The following SMAD2 variants were observed in gnomAD, a reference collection of about 807,000 sequenced individuals.
SMAD2 encodes SMAD family member 2, also known as MAD homolog 2.
SMAD2 carries 8 observed loss-of-function variants against 64.4 expected under a neutral mutation model. The ratio of observed to expected loss-of-function variants is 0.12; its 90% CI spans 0.07 to 0.22. SMAD2 has a LOEUF of 0.22. Among genes scored for constraint, SMAD2 ranks in the 10% least tolerant of loss-of-function variants. The probability of loss-of-function intolerance (pLI) is 1.00; values close to 1 mark genes in which losing one functional copy is unlikely to be tolerated. For synonymous variants in SMAD2, 203 were observed against 195.8 expected (o/e 1.04, Z -0.31); for missense variants, 289 against 561.2 (o/e 0.51, Z 4.90).
chr18:47,917,644 A>G lies in SMAD2; in HGVS notation c.-54+12717T>C, dbSNP rs545311781. Among the ~76,000 whole-genome samples the G allele has an allele frequency of 6.6e-5, 10 of 151,582 alleles. No individual in the cohort carries two copies. The South Asian group carries it at 2.1e-3, about 31-fold the overall frequency. ...TTATTCTATTTCAATTCTTTTGGAG[A>G]GTTATTGGTAAAAAAATTTTTAATG... On this transcript the variant is annotated intron_variant, in intron 1 of 10. Transcript: ENST00000262160.
chr18:47,849,637 T>C lies in SMAD2; in HGVS notation c.785-950A>G, dbSNP rs577241213. Among the ~76,000 whole-genome samples, 12 of 152,278 alleles carry C rather than the reference T, an allele frequency of 7.9e-5. No homozygotes were observed. The South Asian group carries it at 2.3e-3, about 29-fold the overall frequency. On this transcript the variant is annotated intron_variant, in intron 7 of 10. Coordinates refer to ENST00000262160, the MANE Select transcript of SMAD2 (RefSeq NM_005901.6). ...CATGTAACTTAAATTCACGTCATCC[T>C]GTATACTTTAAATAATCTCTAGATT... is the stretch of plus-strand genomic sequence containing the variant.
chr18:47,834,568 C>T lies in SMAD2; in HGVS notation c.*7259G>A. On this transcript the variant is annotated 3_prime_UTR_variant, in exon 11 of 11. Transcript: ENST00000262160. ...GGGCATAACCTTTAAGGGCATCAGT[C>T]CCCAAAATATTTTTACATCACTAGC... 4.9e-6 allele frequency: 1 copy of T among 206,150 alleles called. No homozygotes were observed. Among genetic ancestry groups the T allele is most frequent in the Non-Finnish European group, 9.9e-6 (1 of 100,830 alleles). The allele number at this position is 206,150 out of a possible 1,614,324, so 12.8% of individuals were successfully genotyped here.
At chr18:47,845,051 TCTC>T (rs1914359995) in intron 10 of SMAD2, 1 of 578,930 alleles carries the variant, frequency 1.7e-6, no homozygotes, top group Non-Finnish European at 3.0e-6. Context: ...TGCAAACATC[TCTC>T]CTTCCATAAA....
chr18:47,830,757 T>A lies in SMAD2; in HGVS notation c.*11070A>T, dbSNP rs1266250719. 1 of 154,600 alleles carries A rather than the reference T, an allele frequency of 6.5e-6. No individual in the cohort carries two copies. The highest frequency in any genetic ancestry group is 2.4e-5 in the African/African-American group (1 of 41,488). The allele number at this position is 154,600 out of a possible 1,614,324, so 9.6% of individuals were successfully genotyped here. A position where few individuals can be genotyped will look rare whatever the true frequency, so the allele number is the denominator to read the frequency against. On this transcript the variant is annotated 3_prime_UTR_variant, in exon 11 of 11. Coordinates refer to ENST00000262160, the MANE Select transcript of SMAD2 (RefSeq NM_005901.6). ...TCTCATGAAGAAAAACTTTACAAGA[T>A]TTAAAATCAGAGCAAATGAATTTCT...
intron 2 of SMAD2, among the ~76,000 whole-genome samples, chr18:47,886,581 CT>C (rs1568084028): frequency 0.017 from 2,426 of 146,916 alleles, 58 homozygotes; most frequent in African/African-American, 0.057. Context: ...ATCTATCTAT[CT>C]ATCTATCTAT....
In SMAD2 at chr18:47,828,554, T is replaced by G. The variant is rs1184541221; in HGVS notation, c.*13273A>C. Reference sequence around the variant, plus strand: ...GTTGCTGTGTCTGTGTAGAAAGAAGTAGACATAGGAGACTCCATTTTGTTC... The same window carrying G: ...GTTGCTGTGTCTGTGTAGAAAGAAGGAGACATAGGAGACTCCATTTTGTTC... On this transcript the variant is annotated 3_prime_UTR_variant, in exon 11 of 11. Transcript: ENST00000262160. 6.0e-6 allele frequency: 1 copy of G among 167,022 alleles called. No individual in the cohort carries two copies. Among genetic ancestry groups the G allele is most frequent in the African/African-American group, 2.4e-5 (1 of 41,612 alleles). 10.3% of individuals were successfully genotyped at this position (167,022 alleles called of 1,614,324 possible).
intron 1 of SMAD2, among the ~76,000 whole-genome samples, chr18:47,902,362 A>G (rs1464000301): frequency 6.6e-6 from 1 of 152,232 alleles, no homozygotes; most frequent in Non-Finnish European, 1.5e-5. Flanking sequence ...GTCTTGGACT[A>G]CCAAGAACTA....
In SMAD2 at chr18:47,929,702, G is replaced by A. The variant is rs114606430; in HGVS notation, c.-54+659C>T. Among the ~76,000 whole-genome samples, 1,002 of 152,276 alleles carry A rather than the reference G, an allele frequency of 6.6e-3. 8 individuals are homozygous for A. The highest frequency in any genetic ancestry group is 0.023 in the African/African-American group (955 of 41,546). On this transcript the variant is annotated intron_variant, in intron 1 of 10. Coordinates refer to ENST00000262160, the MANE Select transcript of SMAD2 (RefSeq NM_005901.6). ...ATTCTTTTTCTGTTTAGGATCAAAA[G>A]GACATTTTAAGGATAAGTAAAAGAC... is the stretch of plus-strand genomic sequence containing the variant.
intron 7 of SMAD2, among the ~76,000 whole-genome samples, chr18:47,849,336 C>T (rs928429655): frequency 6.6e-6 from 1 of 151,906 alleles, no homozygotes; most frequent in Non-Finnish European, 1.5e-5. Context: ...TTAGCTTCTG[C>T]AGTTTGACTA....
At chr18:47,892,417 C>A (rs1568090304) in intron 2 of SMAD2, among the ~76,000 whole-genome samples, 1 of 152,156 alleles carries the variant, frequency 6.6e-6, no homozygotes. Flanking sequence ...CCAGGCTAGT[C>A]TGAAACTCCT....
rs1402172428 is a variant in SMAD2 at position 47,824,853 on chromosome 18, T to C, written c.*16974A>G. 1.3e-5 allele frequency: 2 copies of C among 152,248 alleles called. No individual in the cohort carries two copies. The highest frequency in any genetic ancestry group is 2.9e-5 in the Non-Finnish European group (2 of 68,038). The allele number at this position is 152,248 out of a possible 1,614,324, so 9.4% of individuals were successfully genotyped here. On this transcript the variant is annotated 3_prime_UTR_variant, in exon 11 of 11. Coordinates refer to ENST00000262160, the MANE Select transcript of SMAD2 (RefSeq NM_005901.6). ...CATGGCAAAAAACTTTGTTTTCATA[T>C]GCCCATTATGGCTTGCTGACTGGCT... is the stretch of plus-strand genomic sequence containing the variant.
At chr18:47,897,815 T>C (rs1016413312) in intron 1 of SMAD2, among the ~76,000 whole-genome samples, 9 of 152,122 alleles carry the variant, frequency 5.9e-5, no homozygotes, top group African/African-American at 2.2e-4. Context: ...CAGAAGCTCT[T>C]AATATCTTAG....
intron 1 of SMAD2, among the ~76,000 whole-genome samples, chr18:47,918,617 C>G (rs1428535802): frequency 6.6e-6 from 1 of 152,118 alleles, no homozygotes; most frequent in African/African-American, 2.4e-5. Context: ...AAAGACTATA[C>G]AGAGAAAGAA....
chr18:47,882,244 G>C (rs1210670685), intron 2 of SMAD2: 2 of 152,164 alleles, frequency 1.3e-5, no homozygotes, highest in African/African-American at 4.9e-5. Context: ...CATGCAGGCT[G>C]GAGTGCACTG....
intron 7 of SMAD2, among the ~76,000 whole-genome samples, chr18:47,849,483 GTATGTA>G (rs1354413427): frequency 0.12 from 2,546 of 21,084 alleles, 63 homozygotes; most frequent in African/African-American, 0.27. Context: ...ATACAGAAAT[GTATGTA>G]TATATATATA....
intron 6 of SMAD2, among the ~76,000 whole-genome samples, chr18:47,859,083 A>C (rs2030955125): frequency 6.6e-6 from 1 of 152,158 alleles, no homozygotes; most frequent in Admixed American, 6.5e-5. Flanking sequence ...GTAAGAAAGA[A>C]GATATGGTGA....
chr18:47,850,581 ATATATATAT>A (rs1465903134), intron 7 of SMAD2, among the ~76,000 whole-genome samples: 12 of 27,768 alleles, frequency 4.3e-4, no homozygotes, highest in Non-Finnish European at 6.1e-4. Context: ...ATTATATATT[ATATATATAT>A]TATATATATT....
rs1444385136 is a variant in SMAD2, at chr18:47,825,906, T to C, written c.*15921A>G. On this transcript the variant is annotated 3_prime_UTR_variant, in exon 11 of 11. Transcript: ENST00000262160. ...AACAGGCAGCATGAAGTAAAGCAGA[T>C]AGCATCTTTGCATTTAAGAAGTCCC... is the stretch of plus-strand genomic sequence containing the variant. 1 of 152,238 alleles carries C rather than the reference T, an allele frequency of 6.6e-6. No individual in the cohort carries two copies. Among genetic ancestry groups the C allele is most frequent in the Non-Finnish European group, 1.5e-5 (1 of 68,034 alleles). 9.4% of individuals were successfully genotyped at this position (152,238 alleles called of 1,614,324 possible).
Position 47,825,499 on chromosome 18 carries a change from C to T in SMAD2, c.*16328G>A, listed in dbSNP as rs1478592717. The T allele has an allele frequency of 6.6e-6, 1 of 152,510 alleles. No individual in the cohort carries two copies. The highest frequency in any genetic ancestry group is 2.4e-5 in the African/African-American group (1 of 41,466). The allele number at this position is 152,510 out of a possible 1,614,324, so 9.4% of individuals were successfully genotyped here. A position where few individuals can be genotyped will look rare whatever the true frequency, so the allele number is the denominator to read the frequency against. On this transcript the variant is annotated 3_prime_UTR_variant, in exon 11 of 11. Transcript: ENST00000262160. ...CGTCTGCTTCCCCTCTGACCTTCTC[C>T]ATCAAGCTATGAAGCAGCAGCAAAG... is the stretch of plus-strand genomic sequence containing the variant.
Sources: gnomAD v4.1 joint callset for allele counts (sites outside exome capture counted in the v4.1 genomes callset) on GRCh38, gnomAD v4.1.1 for gene constraint, MANE v1.5 for transcripts, NCBI Gene and HGNC (gene_info 2026-07-23, HGNC 2026-07-21) for gene names.